Variants in EXOC4 observed in about 807,000 individuals in gnomAD.
EXOC4 encodes the protein exocyst complex component 4, also known as SEC8-like 1.
In EXOC4, 71 loss-of-function variants were observed where a neutral mutation model predicts 107.2. The observed-to-expected ratio is 0.66, with a 90% CI of 0.55 to 0.81. The LOEUF (loss-of-function observed/expected upper bound fraction) is 0.81. EXOC4 is among the 30% of genes least tolerant of loss of function. The probability of loss-of-function intolerance (pLI) is 0.00; values close to 1 mark genes in which losing one functional copy is unlikely to be tolerated. For synonymous variants in EXOC4, 456 were observed against 441.2 expected, an observed-to-expected ratio of 1.03 and a Z score of -0.42; for missense variants, 1,108 against 1,189.6, an observed-to-expected ratio of 0.93 and a Z score of 1.01.
At chr7:133,839,723 C>T (rs2151247388) in intron 11 of EXOC4, among the ~76,000 whole-genome samples, 1 of 152,302 alleles carries the variant, frequency 6.6e-6, no homozygotes. Flanking sequence ...AACCTCAGAC[C>T]ACTATGTTAG....
chr7:133,944,869 T>TAA, intron 14 of EXOC4, among the ~76,000 whole-genome samples: 4 of 152,174 alleles, frequency 2.6e-5, no homozygotes, highest in Admixed American at 2.6e-4. Context: ...CCTTAATAAA[T>TAA]GTATACAACC....
At position 134,038,222 on chromosome 7, in the gene EXOC4, G is replaced by A. The variant is rs919290435; in HGVS notation, c.2688-26069G>A. Among the ~76,000 whole-genome samples the A allele has an allele frequency of 5.9e-5, 9 of 152,198 alleles. 1 individual carries two copies. Among genetic ancestry groups the A allele is most frequent in the Admixed American group, 5.2e-4 (8 of 15,280 alleles). Reference sequence around the variant, plus strand: ...CAACTGAGAGGCATCTGCATCAGGCGGATTGGCATTGCTGAACTTTCACAC... The same window carrying A: ...CAACTGAGAGGCATCTGCATCAGGCAGATTGGCATTGCTGAACTTTCACAC... On this transcript the variant is annotated intron_variant, in intron 17 of 17. Coordinates refer to ENST00000253861, the MANE Select transcript of EXOC4 (RefSeq NM_021807.4).
chr7:133,531,032 G>A (rs1026323501), intron 9 of EXOC4, among the ~76,000 whole-genome samples: 9 of 152,026 alleles, frequency 5.9e-5, no homozygotes, highest in African/African-American at 1.9e-4. Context: ...AGGACTTAAC[G>A]GAGGCTAAAA....
intron 9 of EXOC4, among the ~76,000 whole-genome samples, chr7:133,497,149 C>T (rs947200902): frequency 6.6e-6 from 1 of 152,154 alleles, no homozygotes; most frequent in Non-Finnish European, 1.5e-5. Flanking sequence ...GTCCCTATGC[C>T]TTAGATAAGA....
At chr7:134,058,297 T>C (rs1333773334) in intron 17 of EXOC4, among the ~76,000 whole-genome samples, 10 of 152,224 alleles carry the variant, frequency 6.6e-5, no homozygotes, top group Non-Finnish European at 1.3e-4. Context: ...AGAATTCACT[T>C]GTTGACATTA....
intron 10 of EXOC4, among the ~76,000 whole-genome samples, chr7:133,680,999 C>G (rs1794174640): frequency 6.6e-6 from 1 of 152,138 alleles, no homozygotes; most frequent in Non-Finnish European, 1.5e-5. Flanking sequence ...TTTCAGGGAA[C>G]CTGGTCAGTA....
rs746650957 is a variant in EXOC4 at position 133,289,110 on chromosome 7, C to T, written c.465C>T (p.Asp155=). The T allele has an allele frequency of 3.1e-6, 5 of 1,613,776 alleles. No homozygotes were observed. Among genetic ancestry groups the T allele is most frequent in the African/African-American group, 1.3e-5 (1 of 75,066 alleles). The stretch of plus-strand genomic sequence containing the variant: ...GCAAGCACTATCTCAGTGCCACTGA[C>T]ATGTTGGTAAGAGAACAGCCTGTGC... ...MASKHYLSAT[D]MLVSAVESLE... is the part of the protein sequence containing the mutation. The change falls in exon 3 of 18, where the codon GAC becomes GAT. Residue 155 remains aspartate, a synonymous_variant. Transcript: ENST00000253861.
chr7:133,756,265 C>G (rs1387291664), intron 10 of EXOC4, among the ~76,000 whole-genome samples: 2 of 152,084 alleles, frequency 1.3e-5, no homozygotes, highest in East Asian at 1.9e-4. Context: ...CCCCTAAGTA[C>G]TCATGTTACA....
At chr7:133,566,673 A>G (rs1800912447) in intron 9 of EXOC4, among the ~76,000 whole-genome samples, 1 of 152,216 alleles carries the variant, frequency 6.6e-6, no homozygotes, top group African/African-American at 2.4e-5. Context: ...TAGCTCCACA[A>G]TAGCAGAGAC....
chr7:133,793,302 G>C (rs1176248500), intron 10 of EXOC4, among the ~76,000 whole-genome samples: 1 of 151,966 alleles, frequency 6.6e-6, no homozygotes, highest in Non-Finnish European at 1.5e-5. Flanking sequence ...GGAAGTTTGG[G>C]GGGCTACAGC....
chr7:134,006,532 G>C (rs997350170), intron 16 of EXOC4, among the ~76,000 whole-genome samples: 1 of 152,112 alleles, frequency 6.6e-6, no homozygotes, highest in African/African-American at 2.4e-5. Flanking sequence ...AGACCTGAAT[G>C]CATCTCCTCC....
chr7:134,015,208 C>A (rs749484095), intron 17 of EXOC4, among the ~76,000 whole-genome samples: 8 of 152,300 alleles, frequency 5.3e-5, no homozygotes, highest in Admixed American at 3.3e-4. Context: ...GCCTTCCTCC[C>A]CCACCAGCAC....
At chr7:134,074,692 A>G in the EXOC4 span, among the ~76,000 whole-genome samples, 1 of 152,206 alleles carries the variant, frequency 6.6e-6, no homozygotes, top group African/African-American at 2.4e-5. Context: ...CCCCAGGTGA[A>G]TCATGCTGTT....
At chr7:133,587,874 A>AAAAAATTCACCAAACACTACACTT (rs1801442648) in intron 9 of EXOC4, among the ~76,000 whole-genome samples, 1 of 152,264 alleles carries the variant, frequency 6.6e-6, no homozygotes, top group Non-Finnish European at 1.5e-5. Flanking sequence ...GCAAAAAGAA[A>AAAAAATTCACCAAACACTACACTT]AAAAATTCAC....
chr7:133,369,522 A>G (rs1394995465), intron 6 of EXOC4, among the ~76,000 whole-genome samples: 4 of 152,012 alleles, frequency 2.6e-5, no homozygotes, highest in African/African-American at 9.7e-5. Context: ...GTCCTCTGCA[A>G]TGTTCCCTGG....
chr7:133,537,610 T>C (rs1800298082), intron 9 of EXOC4, among the ~76,000 whole-genome samples: 1 of 152,202 alleles, frequency 6.6e-6, no homozygotes, highest in Non-Finnish European at 1.5e-5. Flanking sequence ...CTTTGTTTTC[T>C]CCTGAACTAC....
chr7:133,400,898 A>G (rs961389762), intron 7 of EXOC4, among the ~76,000 whole-genome samples: 2 of 152,220 alleles, frequency 1.3e-5, no homozygotes, highest in African/African-American at 4.8e-5. Flanking sequence ...ACAGAATTTG[A>G]AAACAGAAGG....
intron 11 of EXOC4, among the ~76,000 whole-genome samples, chr7:133,854,408 G>GCACACACACACACACACACA (rs56849407): frequency 7.2e-6 from 1 of 139,470 alleles, no homozygotes; most frequent in Non-Finnish European, 1.5e-5. Context: ...TGTTGAAAGA[G>GCACACACACACACACACACA]CACACACACA....
At chr7:133,889,124 T>C (rs761796369) in intron 11 of EXOC4, among the ~76,000 whole-genome samples, 24 of 151,996 alleles carry the variant, frequency 1.6e-4, no homozygotes, top group Non-Finnish European at 3.1e-4. Flanking sequence ...TCATGGAAGG[T>C]TTTTTCTTTG....
Sources: allele counts gnomAD v4.1 joint callset (sites outside exome capture counted in the v4.1 genomes callset), GRCh38; gene constraint gnomAD v4.1.1; transcripts MANE v1.5; gene names NCBI Gene and HGNC (gene_info 2026-07-23, HGNC 2026-07-21).